HMGB1: variants seen among roughly 807,000 people sequenced by gnomAD.
HMGB1 encodes the protein high mobility group protein B1.
For synonymous variants in HMGB1, 81 were observed against 84.0 expected (o/e 0.96, Z 0.19); for missense variants, 79 against 253.5 (o/e 0.31, Z 4.67).
intron 1 of HMGB1, among the ~76,000 whole-genome samples, chr13:30,611,431 G>A (rs1950512197): frequency 6.6e-6 from 1 of 152,080 alleles, no homozygotes; most frequent in Admixed American, 6.5e-5. Context: ...CAAAGTGCTG[G>A]GATTACAGCT....
rs1305390804 is a variant in HMGB1, at chr13:30,601,611, T to C, written c.-15+15060A>G. On this transcript the variant is annotated intron_variant, in intron 1 of 4. Transcript: ENST00000405805. The stretch of plus-strand genomic sequence containing the variant: ...ATACAAAAAAATTAGCCGGGCGTAG[T>C]GGCGGGCGCCTGTAGTCCCAGCTAC... Among the ~76,000 whole-genome samples the C allele has an allele frequency of 1.3e-4, 10 of 77,270 alleles. 2 individuals are homozygous for C. Among genetic ancestry groups the C allele is most frequent in the Non-Finnish European group, 2.3e-4 (10 of 44,384 alleles). 50.7% of individuals were successfully genotyped at this position (77,270 alleles called of 152,430 possible).
chr13:30,515,701 A>G (rs76360701), intron 1 of HMGB1, among the ~76,000 whole-genome samples: 1 of 151,890 alleles, frequency 6.6e-6, no homozygotes, highest in African/African-American at 2.4e-5. Context: ...AAAAAAAAAA[A>G]AGCCCACATT....
chr13:30,616,374 T>C (rs58025724), intron 1 of HMGB1, among the ~76,000 whole-genome samples: 1 of 152,360 alleles, frequency 6.6e-6, no homozygotes, highest in African/African-American at 2.4e-5. Flanking sequence ...TTGGTGATGT[T>C]GTTTTGCAGT....
chr13:30,476,486 A>T (rs1159974720), intron 1 of HMGB1, among the ~76,000 whole-genome samples: 1 of 152,160 alleles, frequency 6.6e-6, no homozygotes, highest in Non-Finnish European at 1.5e-5. Context: ...CTGCCAAGAG[A>T]GGATGTCTTA....
At chr13:30,539,239 G>A (rs895991539) in intron 1 of HMGB1, among the ~76,000 whole-genome samples, 27 of 152,246 alleles carry the variant, frequency 1.8e-4, no homozygotes, top group Admixed American at 1.6e-3. Context: ...CCCCCTGCCC[G>A]CCTCCGCTGA....
chr13:30,465,540 C>T (rs1377823175), intron 1 of HMGB1, among the ~76,000 whole-genome samples: 1 of 151,156 alleles, frequency 6.6e-6, no homozygotes, highest in Non-Finnish European at 1.5e-5. Flanking sequence ...GCGCGGACGC[C>T]GCCGGGGGTG....
intron 1 of HMGB1, chr13:30,465,193 G>A: frequency 1.3e-6 from 1 of 780,332 alleles, no homozygotes; most frequent in Non-Finnish European, 1.5e-6. Flanking sequence ...CCCGCCGCCC[G>A]GCCGCCGCCG....
At chr13:30,470,703 C>T (rs1389372816), upstream of HMGB1, among the ~76,000 whole-genome samples, 5 of 152,018 alleles carry the variant, frequency 3.3e-5, no homozygotes, top group African/African-American at 7.2e-5. Flanking sequence ...GGTTGGAGGG[C>T]GGTGGCGCGA....
At chr13:30,593,005 C>T (rs912490528) in intron 1 of HMGB1, among the ~76,000 whole-genome samples, 1 of 152,160 alleles carries the variant, frequency 6.6e-6, no homozygotes, top group African/African-American at 2.4e-5. Flanking sequence ...CTGTTCCCAT[C>T]TTTATGTCCA....
chr13:30,540,462 T>G (rs1868815198), intron 1 of HMGB1: 1 of 154,284 alleles, frequency 6.5e-6, no homozygotes, highest in Non-Finnish European at 1.5e-5. Flanking sequence ...ACATCTGACT[T>G]TGGCACATTA....
intron 1 of HMGB1, among the ~76,000 whole-genome samples, chr13:30,549,901 G>C (rs1183446718): frequency 6.6e-6 from 1 of 152,056 alleles, no homozygotes; most frequent in Non-Finnish European, 1.5e-5. Context: ...ATTTTTAGTA[G>C]AGACGGGGTT....
chr13:30,577,908 T>A (rs1232984348), intron 1 of HMGB1, among the ~76,000 whole-genome samples: 1 of 152,194 alleles, frequency 6.6e-6, no homozygotes, highest in Non-Finnish European at 1.5e-5. Flanking sequence ...CTCCCCACCA[T>A]CAACAGGATA....
At chr13:30,472,765 GA>G (rs1886975705) in intron 1 of HMGB1, among the ~76,000 whole-genome samples, 1 of 151,906 alleles carries the variant, frequency 6.6e-6, no homozygotes, top group African/African-American at 2.4e-5. Context: ...GCCAGTTTCG[GA>G]AAAGGAGAGG....
intron 1 of HMGB1, chr13:30,540,111 T>C (rs926333891): frequency 1.9e-5 from 3 of 154,536 alleles, no homozygotes; most frequent in Non-Finnish European, 4.4e-5. Context: ...TCTTGTCCTC[T>C]GGTGGGTCCA....
upstream of HMGB1, among the ~76,000 whole-genome samples, chr13:30,469,615 G>A (rs1886873851): frequency 3.3e-5 from 2 of 60,222 alleles, 1 homozygote; most frequent in African/African-American, 7.0e-5. Flanking sequence ...CTACAGGTGA[G>A]TGCCACCACG....
At chr13:30,574,353 T>A (rs947648553) in intron 1 of HMGB1, among the ~76,000 whole-genome samples, 18 of 152,242 alleles carry the variant, frequency 1.2e-4, no homozygotes, top group African/African-American at 3.6e-4. Context: ...TGTTGCCCAA[T>A]CCCACTGCTG....
At chr13:30,467,646 C>A (rs1210208973), upstream of HMGB1, among the ~76,000 whole-genome samples, 1 of 152,172 alleles carries the variant, frequency 6.6e-6, no homozygotes, top group Non-Finnish European at 1.5e-5. Flanking sequence ...CTCTACTAAT[C>A]ATTCAAATTT....
chr13:30,538,672 C>CCTT (rs1304026424), intron 1 of HMGB1, among the ~76,000 whole-genome samples: 3 of 17,570 alleles, frequency 1.7e-4, no homozygotes, highest in Admixed American at 7.9e-4. Flanking sequence ...TCCTTTCTTT[C>CCTT]TTTCTTTCTT....
Position 30,457,484 on chromosome 13 carries a change from G to C in HMGB1, c.*3873C>G, listed in dbSNP as rs1429588362. ...TGTAATCCCAGCTACTTGAGAAACT[G>C]AGGCGGGAGGATTGTTTGAGCAGAT... On this transcript the variant is annotated 3_prime_UTR_variant, in exon 5 of 5. Coordinates refer to ENST00000341423, the MANE Select transcript of HMGB1 (RefSeq NM_002128.7). 2 of 152,186 alleles carry C rather than the reference G, an allele frequency of 1.3e-5. No homozygotes were observed. The highest frequency in any genetic ancestry group is 4.8e-5 in the African/African-American group (2 of 41,432). 9.4% of individuals were successfully genotyped at this position (152,186 alleles called of 1,614,324 possible). A position where few individuals can be genotyped will look rare whatever the true frequency, so the allele number is the denominator to read the frequency against.
Sources: gnomAD v4.1 joint callset for allele counts (sites outside exome capture counted in the v4.1 genomes callset) on GRCh38, gnomAD v4.1.1 for gene constraint, MANE v1.5 for transcripts, NCBI Gene and HGNC (gene_info 2026-07-23, HGNC 2026-07-21) for gene names.